Variants in ATP8A2 observed in about 807,000 individuals in gnomAD.
The protein encoded by ATP8A2 is phospholipid-transporting ATPase IB.
A neutral mutation model predicts 165.6 loss-of-function variants in ATP8A2; 100 were observed. That is an observed-to-expected ratio of 0.60 (90% confidence interval 0.51 to 0.71). The LOEUF is 0.71. Ranked by LOEUF, ATP8A2 falls within the 30% of genes least tolerant of loss-of-function variation. ATP8A2 has a pLI of 0.00. For missense variants in ATP8A2, 1,227 were observed against 1,479.5 expected (o/e 0.83, Z 2.80); for synonymous variants, 543 against 548.8 (o/e 0.99, Z 0.15).
At chr13:25,837,619 G>A (rs1951650603) in intron 29 of ATP8A2, among the ~76,000 whole-genome samples, 1 of 152,060 alleles carries the variant, frequency 6.6e-6, no homozygotes, top group Admixed American at 6.5e-5. Flanking sequence ...CACAGCCCAG[G>A]TTCAGGATCC....
intron 33 of ATP8A2, among the ~76,000 whole-genome samples, chr13:25,876,489 G>A (rs1408432785): frequency 1.4e-4 from 21 of 152,154 alleles, no homozygotes; most frequent in Admixed American, 1.3e-4. Flanking sequence ...GGAAGGCCAG[G>A]TGGAGCCATG....
chr13:25,861,679 T>C (rs1952358282), intron 32 of ATP8A2, among the ~76,000 whole-genome samples: 1 of 152,070 alleles, frequency 6.6e-6, no homozygotes, highest in South Asian at 2.1e-4. Flanking sequence ...GTGGTCGGAG[T>C]CTGGATTCAT....
intron 12 of ATP8A2, 27 bp downstream of exon 12, chr13:25,553,947 C>T: frequency 5.6e-6 from 9 of 1,597,164 alleles, no homozygotes; most frequent in Non-Finnish European, 6.8e-6. Flanking sequence ...AGTTGAATCA[C>T]TATTTTCCAA....
intron 24 of ATP8A2, among the ~76,000 whole-genome samples, chr13:25,661,712 C>T (rs1361454889): frequency 1.3e-5 from 2 of 152,152 alleles, no homozygotes; most frequent in African/African-American, 4.8e-5. Context: ...GTGTGACCTA[C>T]CCAGAGTACC....
At chr13:25,497,195 A>T (rs2036704577) in intron 2 of ATP8A2, among the ~76,000 whole-genome samples, 2 of 152,334 alleles carry the variant, frequency 1.3e-5, no homozygotes, top group Admixed American at 6.5e-5. Context: ...CATTAGTAGT[A>T]TCAAAAACAG....
At chr13:25,948,477 A>G (rs1955268069) in intron 33 of ATP8A2, among the ~76,000 whole-genome samples, 4 of 152,198 alleles carry the variant, frequency 2.6e-5, no homozygotes, top group African/African-American at 4.8e-5. Flanking sequence ...GAGCCACAGT[A>G]GTTAAGTAAC....
At chr13:25,855,313 A>T (rs1211668690) in intron 30 of ATP8A2, among the ~76,000 whole-genome samples, 2 of 151,490 alleles carry the variant, frequency 1.3e-5, no homozygotes, top group Non-Finnish European at 2.9e-5. Context: ...CCTGGAAACC[A>T]CTGATCTACT....
At chr13:25,846,124 G>A (rs1375230586) in intron 30 of ATP8A2, among the ~76,000 whole-genome samples, 1 of 152,192 alleles carries the variant, frequency 6.6e-6, no homozygotes, top group Non-Finnish European at 1.5e-5. Context: ...GCAGTGAGCC[G>A]AGATCGTGCC....
intron 27 of ATP8A2, among the ~76,000 whole-genome samples, chr13:25,818,702 T>G (rs1951087830): frequency 6.6e-6 from 1 of 152,254 alleles, no homozygotes; most frequent in Non-Finnish European, 1.5e-5. Context: ...TGTGGTTTTC[T>G]TATTTAACAT....
chr13:25,835,886 A>G (rs1480072077), intron 28 of ATP8A2, among the ~76,000 whole-genome samples: 3 of 152,188 alleles, frequency 2.0e-5, no homozygotes, highest in African/African-American at 7.2e-5. Flanking sequence ...CCTTTAAATG[A>G]CAACAATTTA....
At chr13:25,394,377 AT>A (rs1194208327) in intron 1 of ATP8A2, among the ~76,000 whole-genome samples, 7 of 152,238 alleles carry the variant, frequency 4.6e-5, no homozygotes, top group Non-Finnish European at 7.3e-5. Context: ...GCTTTGTGTA[AT>A]TTTTGGTATC....
chr13:25,726,924 G>A (rs939079834), intron 25 of ATP8A2, among the ~76,000 whole-genome samples: 1 of 152,152 alleles, frequency 6.6e-6, no homozygotes, highest in Non-Finnish European at 1.5e-5. Flanking sequence ...ATGGGGAAAA[G>A]AGAACCACCC....
intron 27 of ATP8A2, among the ~76,000 whole-genome samples, chr13:25,807,192 A>G (rs916078769): frequency 6.6e-5 from 10 of 151,662 alleles, no homozygotes; most frequent in Admixed American, 3.3e-4. Context: ...TAATTTTGAT[A>G]AAGTCTAATT....
chr13:26,025,841 T>C lies in ATP8A2; in HGVS notation c.*5856T>C, dbSNP rs374795846. On this transcript the variant is annotated 3_prime_UTR_variant, in exon 37 of 37. Transcript: ENST00000381655. ...GCAAACCTGTTTCAAATAAATCTTT[T>C]GTTAAAGTAAGTGATTGGACTGTTT... The C allele has an allele frequency of 6.6e-6, 1 of 152,364 alleles. No individual in the cohort carries two copies. The highest frequency in any genetic ancestry group is 2.4e-5 in the African/African-American group (1 of 41,596). 9.4% of individuals were successfully genotyped at this position (152,364 alleles called of 1,614,324 possible).
chr13:25,922,887 A>G (rs1205014388), intron 33 of ATP8A2, among the ~76,000 whole-genome samples: 1 of 152,158 alleles, frequency 6.6e-6, no homozygotes, highest in Non-Finnish European at 1.5e-5. Context: ...CATTCCTGCA[A>G]TTGTACCCAG....
intron 35 of ATP8A2, among the ~76,000 whole-genome samples, chr13:25,998,288 G>C (rs185018589): frequency 6.6e-6 from 1 of 152,136 alleles, no homozygotes; most frequent in African/African-American, 2.4e-5. Flanking sequence ...GGTCCTTATT[G>C]GCTGGCAGGG....
chr13:25,840,326 A>G (rs919661368), intron 30 of ATP8A2, among the ~76,000 whole-genome samples: 16 of 152,176 alleles, frequency 1.1e-4, no homozygotes, highest in Non-Finnish European at 1.8e-4. Context: ...AATTACTCCA[A>G]ATGTTGACTA....
chr13:25,604,808 T>G (rs2040475012), intron 24 of ATP8A2, among the ~76,000 whole-genome samples: 1 of 152,118 alleles, frequency 6.6e-6, no homozygotes, highest in Non-Finnish European at 1.5e-5. Flanking sequence ...AATGGGTTTG[T>G]TTTTGATAGA....
At chr13:25,892,333 C>T (rs1002870106) in intron 33 of ATP8A2, among the ~76,000 whole-genome samples, 4 of 152,106 alleles carry the variant, frequency 2.6e-5, no homozygotes, top group African/African-American at 9.7e-5. Context: ...TGTGCACAGC[C>T]TATCTTGGCA....
Sources: allele counts gnomAD v4.1 joint callset (sites outside exome capture counted in the v4.1 genomes callset), GRCh38; gene constraint gnomAD v4.1.1; transcripts MANE v1.5; gene names NCBI Gene and HGNC (gene_info 2026-07-23, HGNC 2026-07-21).